Variants in TMEM144 observed in about 807,000 individuals in gnomAD.
The protein encoded by TMEM144 is transmembrane protein 144.
In TMEM144, 39 loss-of-function variants were observed where a neutral mutation model predicts 43.6. The observed-to-expected ratio is 0.90, with a 90% confidence interval of 0.69 to 1.17. The LOEUF is 1.17. Ranked by LOEUF, TMEM144 falls within the 50% of genes most tolerant of loss-of-function variation. The probability of loss-of-function intolerance (pLI) is 0.00; values close to 1 mark genes in which losing one functional copy is unlikely to be tolerated. For missense variants in TMEM144, 417 were observed against 411.9 expected (o/e 1.01, Z -0.11); for synonymous variants, 154 against 133.6 (o/e 1.15, Z -1.06).
At chr4:158,222,128 C>A (rs1734538927) in intron 6 of TMEM144, among the ~76,000 whole-genome samples, 1 of 152,186 alleles carries the variant, frequency 6.6e-6, no homozygotes, top group South Asian at 2.1e-4. Context: ...TCCCTCGTCC[C>A]ATCCTACCTA....
chr4:158,244,111 GA>G lies in TMEM144; in HGVS notation c.901-178del, dbSNP rs1401350662. ...ATGAAGACCATGAAGAAAAGAAAAT[GA>G]AAAAAAGTCTTCATTTTTTTTACTT... On this transcript the variant is annotated intron_variant, in intron 11 of 12. Transcript: ENST00000296529. Among the ~76,000 whole-genome samples, 9 of 151,920 alleles carry G rather than the reference GA, an allele frequency of 5.9e-5. No individual in the cohort carries two copies. In the East Asian group the frequency reaches 1.7e-3, roughly 29 times the overall value.
chr4:158,212,902 A>C, intron 3 of TMEM144, 126 bp downstream of exon 3: 1 of 780,900 alleles, frequency 1.3e-6, no homozygotes, highest in South Asian at 1.5e-5. Flanking sequence ...AATAGAGCTT[A>C]AAATTAGTCA....
At chr4:158,246,682 A>T (rs1735906788) in intron 12 of TMEM144, among the ~76,000 whole-genome samples, 2 of 152,040 alleles carry the variant, frequency 1.3e-5, no homozygotes, top group African/African-American at 2.4e-5. Flanking sequence ...TATGTTGTAA[A>T]TCTCTCTGCA....
intron 12 of TMEM144, among the ~76,000 whole-genome samples, chr4:158,245,067 A>G (rs1302204815): frequency 1.3e-5 from 2 of 152,154 alleles, no homozygotes; most frequent in Non-Finnish European, 2.9e-5. Context: ...AGATGTTTAT[A>G]TTGGTTCCTA....
chr4:158,216,404 G>A (rs1734225831), intron 4 of TMEM144, among the ~76,000 whole-genome samples: 1 of 152,188 alleles, frequency 6.6e-6, no homozygotes, highest in Admixed American at 6.5e-5. Context: ...TGACACATAT[G>A]TGGAAATAGG....
chr4:158,223,883 G>A (rs1216154145), intron 6 of TMEM144, among the ~76,000 whole-genome samples: 1 of 152,232 alleles, frequency 6.6e-6, no homozygotes, highest in African/African-American at 2.4e-5. Flanking sequence ...ACATGTGCAT[G>A]TGTCTTTATA....
intron 12 of TMEM144, among the ~76,000 whole-genome samples, chr4:158,249,521 ATAAT>A (rs1196074068): frequency 1.3e-5 from 2 of 152,226 alleles, no homozygotes; most frequent in African/African-American, 2.4e-5. Context: ...TTGCCCAACT[ATAAT>A]TAGTCTTTTT....
chr4:158,252,496 A>C (rs942571581), intron 12 of TMEM144, among the ~76,000 whole-genome samples: 4 of 152,150 alleles, frequency 2.6e-5, no homozygotes, highest in Non-Finnish European at 5.9e-5. Context: ...CAAGTCTGAA[A>C]TTTTAACACA....
At position 158,219,514 on chromosome 4, in the gene TMEM144, A is replaced by G. The variant is rs375566572; in HGVS notation, c.413+124A>G. 4.0e-4 allele frequency: 390 copies of G among 968,398 alleles called. 5 individuals carry two copies. The South Asian group carries it at 6.3e-3, about 16-fold the overall frequency. The allele number at this position is 968,398 out of a possible 1,614,324, so 60.0% of individuals were successfully genotyped here. A position where few individuals can be genotyped will look rare whatever the true frequency, so the allele number is the denominator to read the frequency against. ...TAAAATCCACATGCTTGTTCCTCAG[A>G]TTCTTCATTTACAATGACTGGTTTT... On this transcript the variant is annotated intron_variant, in intron 6 of 12. Coordinates refer to ENST00000296529, the MANE Select transcript of TMEM144 (RefSeq NM_018342.5).
intron 8 of TMEM144, among the ~76,000 whole-genome samples, chr4:158,236,348 A>T (rs1199294203): frequency 1.3e-5 from 2 of 152,326 alleles, no homozygotes; most frequent in Non-Finnish European, 2.9e-5. Context: ...AATAAAACCA[A>T]CCTTTCAAAC....
chr4:158,228,827 A>T (rs912986731), intron 6 of TMEM144, among the ~76,000 whole-genome samples: 2 of 152,172 alleles, frequency 1.3e-5, no homozygotes, highest in Admixed American at 1.3e-4. Context: ...GGCCAGGAGC[A>T]TCGGGCAAGA....
intron 9 of TMEM144, among the ~76,000 whole-genome samples, chr4:158,239,282 C>T (rs1735507849): frequency 6.6e-6 from 1 of 152,176 alleles, no homozygotes; most frequent in Non-Finnish European, 1.5e-5. Context: ...CTAAACATGG[C>T]CACTCATCTT....
chr4:158,226,691 A>G (rs1734787838), intron 6 of TMEM144, among the ~76,000 whole-genome samples: 1 of 152,118 alleles, frequency 6.6e-6, no homozygotes, highest in Non-Finnish European at 1.5e-5. Context: ...ATTATACAAC[A>G]TTTCTTGCAT....
intron 7 of TMEM144, 160 bp downstream of exon 7, chr4:158,233,142 T>G: frequency 1.9e-6 from 1 of 527,964 alleles, no homozygotes; most frequent in Non-Finnish European, 3.4e-6. Flanking sequence ...TATGTAGCAA[T>G]CAATCAATAT....
intron 5 of TMEM144, among the ~76,000 whole-genome samples, chr4:158,218,974 G>A (rs1231971581): frequency 1.3e-5 from 2 of 151,980 alleles, no homozygotes; most frequent in Admixed American, 6.6e-5. Context: ...TTAGCCAGGC[G>A]TGGTAACAGG....
chr4:158,222,124 G>A (rs1241901876), intron 6 of TMEM144, among the ~76,000 whole-genome samples: 8 of 70,640 alleles, frequency 1.1e-4, no homozygotes, highest in Non-Finnish European at 1.6e-4. Context: ...GCTTTCCCTC[G>A]TCCCATCCTA....
chr4:158,235,479 A>T lies in TMEM144; in HGVS notation c.537A>T (p.Lys179Asn), dbSNP rs151289258. 104 of 1,613,900 alleles carry T rather than the reference A, an allele frequency of 6.4e-5. No homozygotes were observed. The highest frequency in any genetic ancestry group is 8.2e-5 in the Non-Finnish European group (97 of 1,179,886). Reference sequence around the variant, plus strand: ...AAGACCCCTGTTCCTGGGTGGATAAACTTTCTACAGTACACCACCGCATAG... The same window carrying T: ...AAGACCCCTGTTCCTGGGTGGATAATCTTTCTACAGTACACCACCGCATAG... ...TTQDPCSWVD[K>N]LSTVHHRIVG... Residue 179 changes from lysine to asparagine, a missense_variant, in exon 8 of 13, where the codon AAA (lysine) becomes AAT (asparagine). By Grantham distance (94) the Lys-to-Asn change is moderately conservative. Transcript: ENST00000296529.
At chr4:158,211,788 T>G (rs985476667) in intron 2 of TMEM144, 3 of 152,232 alleles carry the variant, frequency 2.0e-5, no homozygotes, top group Non-Finnish European at 4.4e-5. Flanking sequence ...TAAAGTTTAT[T>G]GACCAGTTTT....
At chr4:158,221,415 C>T (rs1734503896) in intron 6 of TMEM144, among the ~76,000 whole-genome samples, 1 of 152,130 alleles carries the variant, frequency 6.6e-6, no homozygotes, top group South Asian at 2.1e-4. Context: ...AACCTAGCTG[C>T]CAATAAAGTT....
Sources: allele counts gnomAD v4.1 joint callset (sites outside exome capture counted in the v4.1 genomes callset), GRCh38; gene constraint gnomAD v4.1.1; transcripts MANE v1.5; gene names NCBI Gene and HGNC (gene_info 2026-07-23, HGNC 2026-07-21).